The following NTRK2 variants were observed in gnomAD, a reference collection of about 807,000 sequenced individuals.
NTRK2 encodes BDNF/NT-3 growth factors receptor.
Under a neutral mutation model 94.5 loss-of-function variants are expected in NTRK2, and 13 were observed. The observed-to-expected ratio is 0.14, with a 90% CI of 0.09 to 0.22. The LOEUF (loss-of-function observed/expected upper bound fraction) is 0.22. Among genes scored for constraint, NTRK2 ranks in the 10% least tolerant of loss-of-function variants. NTRK2 has a pLI of 1.00. For missense variants in NTRK2, 639 were observed against 1,071.2 expected (o/e 0.60, Z 5.63); for synonymous variants, 372 against 407.4 (o/e 0.91, Z 1.05).
In NTRK2 at chr9:84,670,703, G is replaced by C; in HGVS notation, c.-46G>C. The C allele has an allele frequency of 1.3e-6, 2 of 1,590,754 alleles. No homozygotes were observed. Among genetic ancestry groups the C allele is most frequent in the Non-Finnish European group, 1.7e-6 (2 of 1,164,904 alleles). On this transcript the variant is annotated 5_prime_UTR_variant, in exon 2 of 19. Coordinates refer to ENST00000277120, the MANE Select transcript of NTRK2 (RefSeq NM_006180.6). ...CCCGCACGGGTGGGGGAAAGCGGCC[G>C]GTGCAGCGCGGGGACAGGCACTCGG...
chr9:84,774,639 G>A (rs2066861396), intron 12 of NTRK2, among the ~76,000 whole-genome samples: 2 of 152,222 alleles, frequency 1.3e-5, no homozygotes, highest in Non-Finnish European at 2.9e-5. Context: ...GCTGGTTTCT[G>A]TAGTCCAGTG....
intron 12 of NTRK2, among the ~76,000 whole-genome samples, chr9:84,840,703 C>T (rs1025720475): frequency 6.6e-5 from 10 of 152,292 alleles, no homozygotes; most frequent in Admixed American, 3.9e-4. Context: ...CCCAATCTAG[C>T]GCGCTGTTCT....
intron 12 of NTRK2, among the ~76,000 whole-genome samples, chr9:84,856,802 T>C (rs893762571): frequency 4.6e-5 from 7 of 152,296 alleles, no homozygotes; most frequent in Admixed American, 4.6e-4. Context: ...GAAATTACAT[T>C]TGAGAACATG....
At chr9:84,874,087 C>A (rs1444750315) in intron 14 of NTRK2, 1 of 1,064,356 alleles carries the variant, frequency 9.4e-7, no homozygotes, top group Non-Finnish European at 1.1e-6. Context: ...CAAGGCCCAG[C>A]CTGACTGGAG....
intron 14 of NTRK2, among the ~76,000 whole-genome samples, chr9:84,890,186 C>A (rs1331521884): frequency 6.6e-6 from 1 of 152,110 alleles, no homozygotes; most frequent in Non-Finnish European, 1.5e-5. Context: ...CCTTTACTTC[C>A]CCCTCCCTCA....
chr9:84,863,445 A>T (rs2075426287), intron 13 of NTRK2, among the ~76,000 whole-genome samples: 1 of 152,206 alleles, frequency 6.6e-6, no homozygotes, highest in South Asian at 2.1e-4. Context: ...GAATATTATA[A>T]TACATTTTTT....
At chr9:84,876,278 T>G (rs2076064335) in intron 14 of NTRK2, 4 of 1,045,272 alleles carry the variant, frequency 3.8e-6, no homozygotes, top group Non-Finnish European at 3.5e-6. Flanking sequence ...GTCTCCACTT[T>G]AGGGAATGCC....
At chr9:84,747,714 C>T (rs1354626735) in intron 11 of NTRK2, among the ~76,000 whole-genome samples, 1 of 152,052 alleles carries the variant, frequency 6.6e-6, no homozygotes, top group Non-Finnish European at 1.5e-5. Flanking sequence ...ATCTCCTGAC[C>T]TTGTGATCTG....
chr9:84,978,487 A>T (rs1827180541), intron 17 of NTRK2, among the ~76,000 whole-genome samples: 1 of 152,234 alleles, frequency 6.6e-6, no homozygotes, highest in South Asian at 2.1e-4. Context: ...GCAGAAGAAA[A>T]GTTGGAAGCT....
chr9:84,703,026 T>G (rs2060827905), intron 4 of NTRK2, among the ~76,000 whole-genome samples: 1 of 152,240 alleles, frequency 6.6e-6, no homozygotes, highest in African/African-American at 2.4e-5. Flanking sequence ...AAATGGGAAC[T>G]GTTAGCTTGT....
chr9:84,964,740 C>T lies in NTRK2; in HGVS notation c.2172+9223C>T, dbSNP rs1367690481. On this transcript the variant is annotated intron_variant, in intron 17 of 18. Transcript: ENST00000277120. Reference sequence around the variant, plus strand: ...CTCATCTCTCAGATCACTCACTGTCCTTCATTGCCTGTTGTCTAGTATGAA... The same window carrying T: ...CTCATCTCTCAGATCACTCACTGTCTTTCATTGCCTGTTGTCTAGTATGAA... Among the ~76,000 whole-genome samples, 5 of 152,184 alleles carry T rather than the reference C, an allele frequency of 3.3e-5. No homozygotes were observed. In the East Asian group the frequency reaches 9.6e-4, roughly 29 times the overall value.
chr9:84,819,871 C>G (rs989095914), intron 12 of NTRK2, among the ~76,000 whole-genome samples: 1 of 152,136 alleles, frequency 6.6e-6, no homozygotes, highest in Non-Finnish European at 1.5e-5. Context: ...TTACCCCGCC[C>G]GCATCTCTCT....
chr9:84,881,542 T>A (rs1366889576), intron 14 of NTRK2, among the ~76,000 whole-genome samples: 2 of 152,186 alleles, frequency 1.3e-5, no homozygotes, highest in Non-Finnish European at 2.9e-5. Flanking sequence ...CCCAAGACAT[T>A]GTAGGTTTAT....
intron 12 of NTRK2, among the ~76,000 whole-genome samples, chr9:84,824,439 C>T (rs917663503): frequency 6.6e-6 from 1 of 152,174 alleles, no homozygotes; most frequent in African/African-American, 2.4e-5. Flanking sequence ...CATCTTAGAC[C>T]CTGGCAAATT....
intron 12 of NTRK2, among the ~76,000 whole-genome samples, chr9:84,845,424 A>G (rs901471492): frequency 1.3e-5 from 2 of 152,230 alleles, no homozygotes; most frequent in African/African-American, 4.8e-5. Context: ...AGGAAGAGTA[A>G]ATACAGATGT....
At chr9:84,945,592 G>T (rs897171226) in intron 15 of NTRK2, among the ~76,000 whole-genome samples, 1 of 152,174 alleles carries the variant, frequency 6.6e-6, no homozygotes, top group Non-Finnish European at 1.5e-5. Flanking sequence ...GTGCAAGAGG[G>T]ATGCAAAGGA....
intron 12 of NTRK2, among the ~76,000 whole-genome samples, chr9:84,857,105 G>GT (rs11424631): frequency 0.13 from 19,744 of 146,378 alleles, 2,289 homozygotes; most frequent in African/African-American, 0.31. Flanking sequence ...TTGAAAAAGT[G>GT]TTTTTTTTTT....
intron 2 of NTRK2, among the ~76,000 whole-genome samples, chr9:84,683,810 T>C (rs899692831): frequency 3.9e-5 from 6 of 152,200 alleles, no homozygotes; most frequent in Non-Finnish European, 7.3e-5. Context: ...GCACCCACAG[T>C]GTAAAAGCGT....
chr9:84,922,389 C>A (rs968721880), intron 14 of NTRK2, among the ~76,000 whole-genome samples: 9 of 152,288 alleles, frequency 5.9e-5, no homozygotes, highest in Non-Finnish European at 1.2e-4. Context: ...CTTCTAATAC[C>A]CTTAACCCAG....
Sources: gnomAD v4.1 joint callset for allele counts (sites outside exome capture counted in the v4.1 genomes callset) on GRCh38, gnomAD v4.1.1 for gene constraint, MANE v1.5 for transcripts, NCBI Gene and HGNC (gene_info 2026-07-23, HGNC 2026-07-21) for gene names.